Variants in FAT1 observed in about 807,000 individuals in gnomAD.
FAT1 encodes the protein protocadherin Fat 1.
Under a neutral mutation model 329.8 loss-of-function variants are expected in FAT1, and 171 were observed. That is an observed-to-expected ratio of 0.52 (90% CI 0.46 to 0.59). The LOEUF is 0.59. Ranked by LOEUF, FAT1 falls within the 20% of genes least tolerant of loss-of-function variation. FAT1 has a pLI of 0.00. For missense variants in FAT1, 5,672 were observed against 5,774.4 expected, an observed-to-expected ratio of 0.98 and a Z score of 0.57; for synonymous variants, 2,233 against 2,228.6, an observed-to-expected ratio of 1.00 and a Z score of -0.06.
intron 16 of FAT1, 145 bp downstream of exon 16, chr4:186,609,038 T>C: frequency 4.0e-6 from 3 of 753,648 alleles, no homozygotes; most frequent in South Asian, 2.0e-5. Flanking sequence ...CATAGTGTCA[T>C]TGCTTTTCGA....
Position 186,589,169 on chromosome 4 carries a change from A to G in FAT1, c.13190T>C (p.Ile4397Thr), listed in dbSNP as rs2126357379. The G allele has an allele frequency of 6.2e-7, 1 of 1,613,824 alleles. No individual in the cohort carries two copies. The highest frequency in any genetic ancestry group is 1.3e-5 in the African/African-American group (1 of 75,022). ...DWMPSVPLPD[I>T]QEFPNYEVID... ...CACCTCATAGTTGGGGAACTCTTGT[A>G]TGTCCGGCAGAGGAACGCTTGGCAT... The change falls in exon 27 of 27, where the codon ATA becomes ACA. Residue 4397 changes from isoleucine (I) to threonine (T), a missense_variant. Physicochemically the swap from Ile to Thr is moderately conservative, Grantham distance 89. Coordinates refer to ENST00000441802, the MANE Select transcript of FAT1 (RefSeq NM_005245.4).
At chr4:186,601,105 T>A (rs1410261858) in intron 21 of FAT1, among the ~76,000 whole-genome samples, 164 bp downstream of exon 21, 1 of 152,214 alleles carries the variant, frequency 6.6e-6, no homozygotes, top group African/African-American at 2.4e-5. Flanking sequence ...GAGCTCTTCA[T>A]CCCACAAAGT....
chr4:186,691,798 C>T (rs749987652), intron 2 of FAT1, among the ~76,000 whole-genome samples: 5 of 151,870 alleles, frequency 3.3e-5, no homozygotes. Flanking sequence ...AGTGAGATCC[C>T]ATCTCTAAAT....
In FAT1 at chr4:186,620,631, A is replaced by C; in HGVS notation, c.5955T>G (p.Ser1985=). ...SHLKFTQDVY[S]AVVKENSTEA... is the part of the protein sequence containing the mutation. ...CGGTGGAATTCTCTTTCACTACCGCAGAGTAGACATCCTGGGTAAACTTTA... is the reference window on the plus strand; with the variant it reads ...CGGTGGAATTCTCTTTCACTACCGCCGAGTAGACATCCTGGGTAAACTTTA... Residue 1985 remains serine, a synonymous_variant, in exon 10 of 27, where the codon TCT becomes TCG. Coordinates refer to ENST00000441802, the MANE Select transcript of FAT1 (RefSeq NM_005245.4). 1 of 1,614,020 alleles carries C rather than the reference A, an allele frequency of 6.2e-7. No individual in the cohort carries two copies. The highest frequency in any genetic ancestry group is 8.5e-7 in the Non-Finnish European group (1 of 1,179,892).
chr4:186,673,604 A>G (rs1742826169), intron 2 of FAT1, among the ~76,000 whole-genome samples: 1 of 152,262 alleles, frequency 6.6e-6, no homozygotes, highest in African/African-American at 2.4e-5. Flanking sequence ...GCCTATTTAA[A>G]TCATTTTAAT....
chr4:186,681,686 C>T (rs1257814316), intron 2 of FAT1, among the ~76,000 whole-genome samples: 1 of 152,222 alleles, frequency 6.6e-6, no homozygotes, highest in African/African-American at 2.4e-5. Flanking sequence ...CAGCGTAAAG[C>T]ATTTTTAACC....
chr4:186,670,998 G>C (rs1014349599), intron 2 of FAT1, among the ~76,000 whole-genome samples: 2 of 152,096 alleles, frequency 1.3e-5, no homozygotes, highest in African/African-American at 4.8e-5. Context: ...GTGAGAAGCT[G>C]GGGCAGGGAG....
chr4:186,588,961 T>G lies in FAT1; in HGVS notation c.13398A>C (p.Arg4466Ser). Reference protein sequence around the residue: ...SNQFESIHPPRDMPAAGSLGS... With the variant: ...SNQFESIHPPSDMPAAGSLGS... ...CCAAGCTACCCGCGGCAGGCATGTCTCTAGGAGGGTGGATGGATTCAAACT... is the reference window on the plus strand; with the variant it reads ...CCAAGCTACCCGCGGCAGGCATGTCGCTAGGAGGGTGGATGGATTCAAACT... Residue 4466 changes from arginine to serine, a missense_variant, in exon 27 of 27, where the codon AGA becomes AGC. Physicochemically the swap from Arg to Ser is moderately radical, Grantham distance 110. This residue lies in a region of FAT1 where 1,706 missense variants were observed against 1,859.1 expected (regional missense o/e 0.92). Coordinates refer to ENST00000441802, the MANE Select transcript of FAT1 (RefSeq NM_005245.4). The G allele has an allele frequency of 6.2e-7, 1 of 1,613,944 alleles. No homozygotes were observed. Among genetic ancestry groups the G allele is most frequent in the East Asian group, 2.2e-5 (1 of 44,868 alleles).
At chr4:186,721,740 A>C (rs1037843296) in intron 1 of FAT1, among the ~76,000 whole-genome samples, 2 of 152,264 alleles carry the variant, frequency 1.3e-5, no homozygotes, top group African/African-American at 4.8e-5. Flanking sequence ...ATTCAAAGAA[A>C]CGACTGCTTC....
rs375073515 is a variant in FAT1, at chr4:186,595,773, G to A, written c.13054C>T (p.Pro4352Ser). 32 of 1,613,848 alleles carry A rather than the reference G, an allele frequency of 2.0e-5. No individual in the cohort carries two copies. The African/African-American group carries it at 2.7e-4, about 13-fold the overall frequency. Residue 4352 changes from proline to serine, a missense_variant, in exon 26 of 27, where the codon CCT becomes TCT. Pro to Ser is a moderately conservative substitution (Grantham distance 74). Coordinates refer to ENST00000441802, the MANE Select transcript of FAT1 (RefSeq NM_005245.4). ...CLSKKPLEEK[P>S]SQPYSARESL... ...TCCCGGGCACTGTATGGCTGGGAAG[G>A]CTTTTCCTCTAGAGGCTTCTTGGAA...
At position 186,589,240 on chromosome 4, in the gene FAT1, G is replaced by T; in HGVS notation, c.13139-20C>A. On this transcript the variant is annotated intron_variant, in intron 26 of 26. Transcript: ENST00000441802. ...GATACCCTTGGTGGAAAAGAAAACA[G>T]ATGTCAGTGTGTTTTCTCCTAAGCT... is the stretch of plus-strand genomic sequence containing the variant. 1 of 1,580,452 alleles carries T rather than the reference G, an allele frequency of 6.3e-7. No homozygotes were observed. Among genetic ancestry groups the T allele is most frequent in the Middle Eastern group, 1.7e-4 (1 of 5,866 alleles).
intron 1 of FAT1, among the ~76,000 whole-genome samples, chr4:186,712,355 T>C (rs1490796780): frequency 2.2e-5 from 3 of 138,948 alleles, no homozygotes; most frequent in Middle Eastern, 3.7e-3. Context: ...CATTTTTCTC[T>C]ACTGTGGTTT....
intron 2 of FAT1, among the ~76,000 whole-genome samples, chr4:186,702,554 C>G (rs1744381059): frequency 6.6e-6 from 1 of 152,212 alleles, no homozygotes; most frequent in South Asian, 2.1e-4. Flanking sequence ...CCCAACACTG[C>G]TTCAACACCA....
chr4:186,697,081 T>C (rs1181656335), intron 2 of FAT1, among the ~76,000 whole-genome samples: 1 of 152,142 alleles, frequency 6.6e-6, no homozygotes, highest in Non-Finnish European at 1.5e-5. Flanking sequence ...GGGAGCTAAC[T>C]TTATCATTAG....
chr4:186,664,583 G>T (rs1742341901), intron 2 of FAT1, among the ~76,000 whole-genome samples: 1 of 152,146 alleles, frequency 6.6e-6, no homozygotes, highest in African/African-American at 2.4e-5. Context: ...GTAATGTTTT[G>T]GTCCAGCCAC....
intron 3 of FAT1, among the ~76,000 whole-genome samples, chr4:186,658,776 G>A (rs905094069): frequency 6.6e-6 from 1 of 151,974 alleles, no homozygotes. Flanking sequence ...CCGTTCCAAG[G>A]GGCTCATCTT....
intron 16 of FAT1, among the ~76,000 whole-genome samples, chr4:186,608,410 T>A (rs988665395): frequency 2.6e-5 from 4 of 152,160 alleles, no homozygotes; most frequent in African/African-American, 9.7e-5. Flanking sequence ...TATTTTTTAT[T>A]GTTTTTCTTT....
chr4:186,694,206 G>C (rs1743922073), intron 2 of FAT1, among the ~76,000 whole-genome samples: 1 of 152,028 alleles, frequency 6.6e-6, no homozygotes, highest in Admixed American at 6.6e-5. Flanking sequence ...AACTCAACCT[G>C]CCTCTCACCT....
intron 2 of FAT1, among the ~76,000 whole-genome samples, chr4:186,670,189 A>G (rs775452050): frequency 1.1e-4 from 16 of 152,192 alleles, no homozygotes; most frequent in Non-Finnish European, 1.8e-4. Flanking sequence ...TCTGACTCTC[A>G]GAAATACCTA....
Sources: gnomAD v4.1 joint callset for allele counts (sites outside exome capture counted in the v4.1 genomes callset) on GRCh38, gnomAD v4.1.1 for gene constraint, gnomAD v4.1.1 regional missense constraint, MANE v1.5 for transcripts, NCBI Gene and HGNC (gene_info 2026-07-23, HGNC 2026-07-21) for gene names.